GPR39: variants seen among roughly 807,000 people sequenced by gnomAD.
The protein encoded by GPR39 is zinc sensing receptor.
Under a neutral mutation model 18.4 loss-of-function variants are expected in GPR39, and 23 were observed. The observed-to-expected ratio is 1.25, with a 90% CI of 0.90 to 1.77. GPR39 has a LOEUF of 1.77. GPR39 is among the 40% of genes most tolerant of loss of function. GPR39 has a pLI of 0.00. For missense variants in GPR39, 647 were observed against 602.4 expected (o/e 1.07, Z -0.78); for synonymous variants, 280 against 257.9 (o/e 1.09, Z -0.82).
At chr2:132,495,277 A>C (rs144502233) in intron 1 of GPR39, among the ~76,000 whole-genome samples, 1 of 152,314 alleles carries the variant, frequency 6.6e-6, no homozygotes, top group East Asian at 1.9e-4. Context: ...TACATTTGTC[A>C]AGAAAGATTT....
rs1373164725 is a variant in GPR39 at position 132,635,799 on chromosome 2, G to A, written c.857-9302G>A. Among the ~76,000 whole-genome samples the A allele has an allele frequency of 2.0e-5, 3 of 152,128 alleles. No homozygotes were observed. The South Asian group carries it at 6.2e-4, about 32-fold the overall frequency. ...TAGGAGCTGTTTAAGTTTAGTTGAG[G>A]TCATAAGGGTGGGACTCTGAATAGG... On this transcript the variant is annotated intron_variant, in intron 1 of 1. Coordinates refer to ENST00000329321, the MANE Select transcript of GPR39 (RefSeq NM_001508.3).
intron 1 of GPR39, among the ~76,000 whole-genome samples, chr2:132,483,538 G>T (rs62167443): frequency 0.068 from 10,380 of 152,252 alleles, 934 homozygotes; most frequent in African/African-American, 0.21. Flanking sequence ...TGGCCGTTCT[G>T]GTCTCAGAGT....
rs755489361 is a variant in GPR39 at position 132,645,345 on chromosome 2, C to T, written c.1101C>T (p.His367=). ...QVLCCRLSLQ[H]ANHEKRLRVH... ...TGTGCTGCCGCCTGTCGCTGCAGCA[C>T]GCCAACCACGAGAAGCGCCTGCGCG... The change falls in exon 2 of 2, where the codon CAC becomes CAT. Residue 367 remains histidine (H), a synonymous_variant. Transcript: ENST00000329321. The T allele has an allele frequency of 1.9e-6, 3 of 1,614,160 alleles. No homozygotes were observed. The highest frequency in any genetic ancestry group is 1.1e-5 in the South Asian group (1 of 91,080).
intron 1 of GPR39, among the ~76,000 whole-genome samples, chr2:132,495,841 T>G (rs1225039444): frequency 6.6e-6 from 1 of 152,026 alleles, no homozygotes; most frequent in African/African-American, 2.4e-5. Flanking sequence ...CCTCCCCTTT[T>G]ATCATTGCTC....
At chr2:132,489,169 T>C in intron 1 of GPR39, 1 of 233,882 alleles carries the variant, frequency 4.3e-6, no homozygotes, top group Non-Finnish European at 9.0e-6. Flanking sequence ...TTTACAGCAG[T>C]CTGGTACACA....
intron 1 of GPR39, among the ~76,000 whole-genome samples, chr2:132,525,807 T>C (rs1679497445): frequency 6.6e-6 from 1 of 152,182 alleles, no homozygotes; most frequent in Admixed American, 6.5e-5. Context: ...GACATGTCCC[T>C]TCATGTTGTT....
At chr2:132,498,342 T>C (rs1199771920) in intron 1 of GPR39, among the ~76,000 whole-genome samples, 1 of 152,242 alleles carries the variant, frequency 6.6e-6, no homozygotes, top group Non-Finnish European at 1.5e-5. Flanking sequence ...TGTTTGGTTT[T>C]CCATTCCTGA....
At chr2:132,617,226 C>CTT (rs112636690) in intron 1 of GPR39, among the ~76,000 whole-genome samples, 10 of 143,774 alleles carry the variant, frequency 7.0e-5, no homozygotes, top group African/African-American at 2.5e-4. Flanking sequence ...AATATTTGCA[C>CTT]TTTTTTTTTT....
chr2:132,609,751 G>C (rs535550050), intron 1 of GPR39, among the ~76,000 whole-genome samples: 1 of 152,288 alleles, frequency 6.6e-6, no homozygotes, highest in African/African-American at 2.4e-5. Flanking sequence ...CTCTGCTTCT[G>C]ACATGTTCAA....
intron 1 of GPR39, among the ~76,000 whole-genome samples, chr2:132,465,275 C>A (rs149564546): frequency 6.6e-6 from 1 of 152,214 alleles, no homozygotes; most frequent in Non-Finnish European, 1.5e-5. Flanking sequence ...CCAGGATTGT[C>A]TCTACAGAGG....
chr2:132,641,203 T>C (rs1415911359), intron 1 of GPR39, among the ~76,000 whole-genome samples: 12 of 152,230 alleles, frequency 7.9e-5, no homozygotes. Flanking sequence ...CCTTGTGTTT[T>C]CAGGATTATA....
chr2:132,527,185 G>A (rs1305503901), intron 1 of GPR39, among the ~76,000 whole-genome samples: 1 of 152,166 alleles, frequency 6.6e-6, no homozygotes, highest in Non-Finnish European at 1.5e-5. Flanking sequence ...GTTAGAACGT[G>A]CTATGTTTGG....
At chr2:132,571,305 G>T (rs1201301284) in intron 1 of GPR39, among the ~76,000 whole-genome samples, 2 of 152,188 alleles carry the variant, frequency 1.3e-5, no homozygotes, top group Non-Finnish European at 2.9e-5. Context: ...GTCACATTCT[G>T]AATTGGTATG....
At chr2:132,487,039 C>A (rs904318443) in intron 1 of GPR39, among the ~76,000 whole-genome samples, 1 of 151,962 alleles carries the variant, frequency 6.6e-6, no homozygotes, top group African/African-American at 2.4e-5. Flanking sequence ...ATTGATTGGC[C>A]TAATTTTAGT....
chr2:132,420,327 A>G (rs1045418436), intron 1 of GPR39, among the ~76,000 whole-genome samples: 6 of 152,160 alleles, frequency 3.9e-5, no homozygotes, highest in African/African-American at 1.4e-4. Flanking sequence ...AAAAATAGGA[A>G]CCTCACTAAT....
chr2:132,452,542 T>A (rs1680648058), intron 1 of GPR39, among the ~76,000 whole-genome samples: 1 of 152,122 alleles, frequency 6.6e-6, no homozygotes, highest in Admixed American at 6.5e-5. Flanking sequence ...GTTTGATACA[T>A]AGGTATACAT....
At chr2:132,631,215 T>C (rs1681645431) in intron 1 of GPR39, among the ~76,000 whole-genome samples, 1 of 152,190 alleles carries the variant, frequency 6.6e-6, no homozygotes, top group Non-Finnish European at 1.5e-5. Flanking sequence ...GATGTTCTCA[T>C]TGTTGCGCTG....
chr2:132,439,043 G>T (rs1239721071), intron 1 of GPR39, among the ~76,000 whole-genome samples: 1 of 152,194 alleles, frequency 6.6e-6, no homozygotes, highest in Non-Finnish European at 1.5e-5. Flanking sequence ...ATTCATAAGA[G>T]TATTCCCCCA....
chr2:132,526,070 C>T (rs940343030), intron 1 of GPR39, among the ~76,000 whole-genome samples: 1 of 152,124 alleles, frequency 6.6e-6, no homozygotes, highest in African/African-American at 2.4e-5. Flanking sequence ...TTTACTATAA[C>T]TTACTTGGTG....
Sources: gnomAD v4.1 joint callset for allele counts (sites outside exome capture counted in the v4.1 genomes callset) on GRCh38, gnomAD v4.1.1 for gene constraint, MANE v1.5 for transcripts, NCBI Gene and HGNC (gene_info 2026-07-23, HGNC 2026-07-21) for gene names.